The following DCC variants were observed in gnomAD, a reference collection of about 807,000 sequenced individuals.
DCC encodes DCC netrin 1 receptor, also known as netrin receptor DCC.
DCC carries 58 observed loss-of-function variants against 172.5 expected under a neutral mutation model. The observed-to-expected ratio is 0.34, with a 90% CI of 0.27 to 0.42. The LOEUF (loss-of-function observed/expected upper bound fraction) is 0.42, where lower values mean the gene tolerates loss of function less well. DCC is among the 10% of genes least tolerant of loss of function. DCC has a pLI of 1.00. For missense variants in DCC, 1,740 were observed against 1,791.0 expected (o/e 0.97, Z 0.51); for synonymous variants, 709 against 644.5 (o/e 1.10, Z -1.52).
intron 1 of DCC, among the ~76,000 whole-genome samples, chr18:52,631,104 C>G (rs1422362717): frequency 1.3e-5 from 2 of 152,066 alleles, no homozygotes; most frequent in Admixed American, 6.6e-5. Context: ...CAAGTTTTGG[C>G]CGGAGGGGAG....
chr18:53,468,346 A>T (rs565439368), intron 25 of DCC, among the ~76,000 whole-genome samples: 2 of 70,658 alleles, frequency 2.8e-5, no homozygotes, highest in Admixed American at 1.3e-4. Flanking sequence ...GTTTATTTTT[A>T]TTTATTTATT....
chr18:52,419,124 G>T (rs1411292759), intron 1 of DCC: 2 of 152,220 alleles, frequency 1.3e-5, no homozygotes, highest in Non-Finnish European at 2.9e-5. Context: ...TCCCCAAAGT[G>T]CTGGGATTAC....
At chr18:52,415,564 T>C (rs886991322) in intron 1 of DCC, among the ~76,000 whole-genome samples, 12 of 152,104 alleles carry the variant, frequency 7.9e-5, no homozygotes, top group Non-Finnish European at 1.3e-4. Context: ...CCTTACATGG[T>C]AACTAAATGC....
At chr18:52,650,314 A>G (rs2035106575) in intron 1 of DCC, among the ~76,000 whole-genome samples, 1 of 152,036 alleles carries the variant, frequency 6.6e-6, no homozygotes, top group Admixed American at 6.6e-5. Context: ...CTGTATACAT[A>G]GAGTATGGAA....
intron 12 of DCC, among the ~76,000 whole-genome samples, chr18:53,236,911 T>C (rs1032031123): frequency 2.6e-5 from 4 of 152,102 alleles, no homozygotes; most frequent in African/African-American, 9.6e-5. Context: ...CTGGATCTTA[T>C]TCTGTTCCAT....
At chr18:52,917,137 C>CAAAAAAAAAAAAAAAGAAAAA (rs146388621) in intron 3 of DCC, among the ~76,000 whole-genome samples, 2 of 94,808 alleles carry the variant, frequency 2.1e-5, no homozygotes, top group Non-Finnish European at 4.6e-5. Flanking sequence ...AAAAAGAAAA[C>CAAAAAAAAAAAAAAAGAAAAA]AAAAAAAAAA....
At chr18:52,496,664 G>A (rs1346834882) in intron 1 of DCC, among the ~76,000 whole-genome samples, 2 of 152,072 alleles carry the variant, frequency 1.3e-5, no homozygotes, top group African/African-American at 2.4e-5. Flanking sequence ...TAAGGAGACA[G>A]TGGAGGGAAG....
intron 5 of DCC, among the ~76,000 whole-genome samples, chr18:52,939,452 C>A (rs1432988737): frequency 6.6e-6 from 1 of 152,096 alleles, no homozygotes; most frequent in Non-Finnish European, 1.5e-5. Context: ...GAAATATAAA[C>A]CCCACTGGAG....
chr18:53,163,366 T>G (rs1261781013), intron 8 of DCC, among the ~76,000 whole-genome samples: 1 of 152,206 alleles, frequency 6.6e-6, no homozygotes, highest in Admixed American at 6.5e-5. Flanking sequence ...ATATTAAAAT[T>G]TTATTCTAAT....
rs568029617 is a variant in DCC at position 52,423,328 on chromosome 18, A to C, written c.91+82450A>C. Among the ~76,000 whole-genome samples the C allele has an allele frequency of 2.7e-4, 41 of 152,260 alleles. 1 individual carries two copies. The South Asian group carries it at 8.5e-3, about 32-fold the overall frequency. On this transcript the variant is annotated intron_variant, in intron 1 of 28. Transcript: ENST00000442544. ...GATATCTTCAAACTGGGGGATCTGCAAAGTCGTCAGAGTGGTGGGGTTGAA... is the reference window on the plus strand; with the variant it reads ...GATATCTTCAAACTGGGGGATCTGCCAAGTCGTCAGAGTGGTGGGGTTGAA...
chr18:53,188,394 C>T (rs1256078238), intron 9 of DCC, among the ~76,000 whole-genome samples: 3 of 152,132 alleles, frequency 2.0e-5, no homozygotes, highest in African/African-American at 7.2e-5. Flanking sequence ...TGAGATTTAT[C>T]TGTATTCTGC....
chr18:52,601,968 T>G (rs369978754), intron 1 of DCC, among the ~76,000 whole-genome samples: 73 of 152,252 alleles, frequency 4.8e-4, no homozygotes, highest in African/African-American at 1.7e-3. Context: ...ACTAAGCTCT[T>G]GCTCTTCTGT....
intron 2 of DCC, among the ~76,000 whole-genome samples, chr18:52,810,398 C>T (rs952979194): frequency 2.6e-5 from 4 of 152,188 alleles, no homozygotes. Context: ...TGCCCCAGCT[C>T]ACCTATGTTA....
chr18:53,078,563 A>G (rs1414868037), intron 7 of DCC, among the ~76,000 whole-genome samples: 1 of 152,148 alleles, frequency 6.6e-6, no homozygotes, highest in Non-Finnish European at 1.5e-5. Context: ...TATTTTGTTT[A>G]AGTGAAAAGG....
intron 9 of DCC, among the ~76,000 whole-genome samples, chr18:53,203,232 T>TGC (rs1555729699): frequency 6.1e-5 from 9 of 148,656 alleles, no homozygotes; most frequent in Middle Eastern, 3.5e-3. Context: ...TGTGTGTGTG[T>TGC]GTGCGTGTGT....
intron 2 of DCC, among the ~76,000 whole-genome samples, chr18:52,784,060 T>C (rs1594515): frequency 0.078 from 11,902 of 152,030 alleles, 1,553 homozygotes; most frequent in African/African-American, 0.27. Context: ...TTGTACCTAT[T>C]GACTAACCTC....
chr18:52,911,745 G>A (rs1287182359), intron 3 of DCC, among the ~76,000 whole-genome samples: 3 of 150,304 alleles, frequency 2.0e-5, no homozygotes, highest in African/African-American at 7.3e-5. Context: ...TTTTTTTGCT[G>A]CATTGTAGGA....
intron 5 of DCC, among the ~76,000 whole-genome samples, chr18:52,958,145 C>A (rs1250569118): frequency 6.6e-6 from 1 of 152,024 alleles, no homozygotes; most frequent in Non-Finnish European, 1.5e-5. Context: ...TCAGCTTGTT[C>A]TTTTTTCATA....
At chr18:53,377,827 T>G (rs1309602663) in intron 15 of DCC, among the ~76,000 whole-genome samples, 1 of 152,178 alleles carries the variant, frequency 6.6e-6, no homozygotes. Context: ...GCATCCACAA[T>G]GAACTGTGCC....
Sources: gnomAD v4.1 joint callset for allele counts (sites outside exome capture counted in the v4.1 genomes callset) on GRCh38, gnomAD v4.1.1 for gene constraint, MANE v1.5 for transcripts, NCBI Gene and HGNC (gene_info 2026-07-23, HGNC 2026-07-21) for gene names.